Variants in GLIS1 observed in about 807,000 individuals in gnomAD.
GLIS1 encodes GLIS family zinc finger 1.
GLIS1 carries 24 observed loss-of-function variants against 63.8 expected under a neutral mutation model. The ratio of observed to expected loss-of-function variants is 0.38; its 90% CI spans 0.27 to 0.53. The LOEUF (loss-of-function observed/expected upper bound fraction) is 0.53, where lower values mean the gene tolerates loss of function less well. Among genes scored for constraint, GLIS1 ranks in the 20% least tolerant of loss-of-function variants. The pLI is 0.85. For missense variants in GLIS1, 1,036 were observed against 1,074.1 expected (o/e 0.96, Z 0.50); for synonymous variants, 450 against 482.5 (o/e 0.93, Z 0.88).
chr1:53,697,174 C>A (rs987043841), intron 2 of GLIS1, among the ~76,000 whole-genome samples: 4 of 152,186 alleles, frequency 2.6e-5, no homozygotes, highest in African/African-American at 9.7e-5. Context: ...CAGCAACAAA[C>A]CCCAAGAATG....
At chr1:53,536,760 C>G (rs566283129) in intron 4 of GLIS1, among the ~76,000 whole-genome samples, 24 of 152,282 alleles carry the variant, frequency 1.6e-4, no homozygotes, top group African/African-American at 5.8e-4. Flanking sequence ...TCACAGGTTC[C>G]ATTCCTGGGG....
In GLIS1 at chr1:53,582,726, G is replaced by C. The variant is rs1645098281; in HGVS notation, c.1320+11382C>G. ...AGCAGGCAGGACACTGGCTGGGAGT[G>C]AGGGATGCTGAGCTTGCCTCTTTCG... On this transcript the variant is annotated intron_variant, in intron 4 of 10. Coordinates refer to ENST00000628545, the MANE Select transcript of GLIS1 (RefSeq NM_001367484.1). Among the ~76,000 whole-genome samples the C allele has an allele frequency of 2.0e-5, 3 of 152,264 alleles. No individual in the cohort carries two copies. The South Asian group carries it at 6.2e-4, about 31-fold the overall frequency.
chr1:53,714,019 T>C (rs1490187760), intron 2 of GLIS1, among the ~76,000 whole-genome samples: 1 of 152,192 alleles, frequency 6.6e-6, no homozygotes. Context: ...TTTTTCCCCA[T>C]TTCCCTCCAC....
At chr1:53,515,347 T>C (rs1170220632) in intron 7 of GLIS1, among the ~76,000 whole-genome samples, 1 of 151,752 alleles carries the variant, frequency 6.6e-6, no homozygotes, top group Non-Finnish European at 1.5e-5. Context: ...CCCAGAGATA[T>C]GCAAGCAGAG....
chr1:53,662,388 T>C (rs1646038414), intron 2 of GLIS1, among the ~76,000 whole-genome samples: 1 of 152,190 alleles, frequency 6.6e-6, no homozygotes, highest in Non-Finnish European at 1.5e-5. Flanking sequence ...AATGAGGTAA[T>C]GGATGGGAAC....
At position 53,646,942 on chromosome 1, in the gene GLIS1, AAAGGG is replaced by A. The variant is rs138416880; in HGVS notation, c.260-46669_260-46665del. On this transcript the variant is annotated intron_variant, in intron 2 of 10. Coordinates refer to ENST00000628545, the MANE Select transcript of GLIS1 (RefSeq NM_001367484.1). The surrounding 1 kb of genome is among the most constrained non-coding windows in gnomAD (Gnocchi z 4.2). ...GAAGGAAGGAAGGAAAGAAGGAAGG[AAAGGG>A]AAGGGAAGGGAAGGAAAGGAAGGAA... 1.1e-3 allele frequency among the ~76,000 whole-genome samples: 122 copies of A among 113,954 alleles called. 1 individual carries two copies. Among genetic ancestry groups the A allele is most frequent in the South Asian group, 3.7e-3 (10 of 2,706 alleles). The allele number at this position is 113,954 out of a possible 152,430, so 74.8% of individuals were successfully genotyped here.
At chr1:53,579,885 T>C (rs199539642) in intron 4 of GLIS1, among the ~76,000 whole-genome samples, 10 of 152,160 alleles carry the variant, frequency 6.6e-5, no homozygotes, top group East Asian at 1.9e-4. Context: ...GTTGGAAAGA[T>C]AGGGCAATGG....
chr1:53,536,322 C>G (rs1644581165), intron 4 of GLIS1, among the ~76,000 whole-genome samples: 1 of 152,110 alleles, frequency 6.6e-6, no homozygotes, highest in Admixed American at 6.5e-5. Context: ...GTATAACAAT[C>G]TTGAAAAATG....
At position 53,525,631 on chromosome 1, in the gene GLIS1, C is replaced by T. The variant is rs373787181; in HGVS notation, c.1483-744G>A. ...AATTCCTGCCCAGGCCCCACCCTGC[C>T]CTCCAGGCCTCAGGCTCCCCACACA... is the stretch of plus-strand genomic sequence containing the variant. On this transcript the variant is annotated intron_variant, in intron 5 of 10. Transcript: ENST00000628545. Among the ~76,000 whole-genome samples, 387 of 151,738 alleles carry T rather than the reference C, an allele frequency of 2.6e-3. 2 individuals carry two copies. Among genetic ancestry groups the T allele is most frequent in the African/African-American group, 9.2e-3 (379 of 41,354 alleles).
intron 2 of GLIS1, among the ~76,000 whole-genome samples, chr1:53,735,957 C>G (rs968637082): frequency 6.6e-6 from 1 of 152,186 alleles, no homozygotes; most frequent in African/African-American, 2.4e-5. Flanking sequence ...CCCTTTCTCC[C>G]TAGGCCAGGT....
intron 6 of GLIS1, among the ~76,000 whole-genome samples, chr1:53,523,530 G>A (rs576164161): frequency 3.3e-5 from 5 of 152,224 alleles, no homozygotes; most frequent in South Asian, 2.1e-4. Context: ...CAATAAATGC[G>A]ATCTTCCCAC....
intron 2 of GLIS1, among the ~76,000 whole-genome samples, chr1:53,703,225 A>T (rs1476320135): frequency 1.3e-5 from 2 of 152,190 alleles, no homozygotes; most frequent in Admixed American, 6.5e-5. Context: ...CCACCACTCT[A>T]CAAAGTAGGT....
Position 53,544,018 on chromosome 1 carries a change from G to A in GLIS1, c.1321-14066C>T, listed in dbSNP as rs191846087. ...GAACCAAGGGGTGGCGGGAGGAGCC[G>A]TTCTGGGGCGCGCAGCCCAGCCCAG... is the stretch of plus-strand genomic sequence containing the variant. On this transcript the variant is annotated intron_variant, in intron 4 of 10. Coordinates refer to ENST00000628545, the MANE Select transcript of GLIS1 (RefSeq NM_001367484.1). 3.4e-3 allele frequency among the ~76,000 whole-genome samples: 512 copies of A among 152,294 alleles called. 4 individuals are homozygous for A. The highest frequency in any genetic ancestry group is 0.012 in the African/African-American group (497 of 41,560).
intron 2 of GLIS1, among the ~76,000 whole-genome samples, chr1:53,642,187 C>G (rs1429781835): frequency 6.6e-6 from 1 of 152,224 alleles, no homozygotes; most frequent in African/African-American, 2.4e-5. Flanking sequence ...AGGACTGGTG[C>G]CCATCAAATA....
intron 4 of GLIS1, among the ~76,000 whole-genome samples, chr1:53,545,377 G>A (rs768604638): frequency 3.3e-5 from 5 of 152,210 alleles, no homozygotes; most frequent in East Asian, 1.9e-4. Context: ...TGACCTGTCC[G>A]GCGGCATCAT....
chr1:53,687,947 C>T (rs989221121), intron 2 of GLIS1, among the ~76,000 whole-genome samples: 1 of 152,198 alleles, frequency 6.6e-6, no homozygotes, highest in African/African-American at 2.4e-5. Context: ...TAGACGCAAG[C>T]GGGCCCGGCT....
intron 2 of GLIS1, among the ~76,000 whole-genome samples, chr1:53,668,887 G>C (rs752135693): frequency 2.6e-5 from 4 of 152,182 alleles, no homozygotes; most frequent in Non-Finnish European, 2.9e-5. Context: ...TCTGTATGGT[G>C]AGGGTTGGGG....
intron 2 of GLIS1, among the ~76,000 whole-genome samples, chr1:53,634,131 G>A (rs3006903): frequency 0.63 from 95,863 of 152,086 alleles, 32,344 homozygotes; most frequent in Middle Eastern, 0.77. Flanking sequence ...ATGGGAGAAG[G>A]AACGGGTTTG....
chr1:53,531,754 G>A (rs2100338188), intron 4 of GLIS1, among the ~76,000 whole-genome samples: 1 of 152,332 alleles, frequency 6.6e-6, no homozygotes, highest in East Asian at 1.9e-4. Flanking sequence ...GCAGCCTGTG[G>A]GCCGCGAGCT....
Sources: allele counts gnomAD v4.1 joint callset (sites outside exome capture counted in the v4.1 genomes callset), GRCh38; gene constraint gnomAD v4.1.1; non-coding constraint Gnocchi (gnomAD v3.1); transcripts MANE v1.5; gene names NCBI Gene and HGNC (gene_info 2026-07-23, HGNC 2026-07-21).